Variants in BCAS3 observed in about 807,000 individuals in gnomAD.
The protein encoded by BCAS3 is BCAS3 microtubule associated cell migration factor, also known as BCAS4/BCAS3 fusion.
Under a neutral mutation model 116.1 loss-of-function variants are expected in BCAS3, and 53 were observed. The ratio of observed to expected loss-of-function variants is 0.46; its 90% CI spans 0.37 to 0.57. The LOEUF is 0.57. BCAS3 is among the 20% of genes least tolerant of loss of function. BCAS3 has a pLI of 0.00. For synonymous variants in BCAS3, 391 were observed against 408.2 expected (o/e 0.96, Z 0.51); for missense variants, 917 against 1,165.4 (o/e 0.79, Z 3.10).
At chr17:60,810,473 C>A in intron 7 of BCAS3, 2 of 674,048 alleles carry the variant, frequency 3.0e-6, no homozygotes, top group South Asian at 1.4e-5. Flanking sequence ...AGCGTGGAGA[C>A]CGGAAACCAG....
chr17:60,924,274 T>C, intron 12 of BCAS3, 133 bp from the exon 13 acceptor site: 1 of 690,718 alleles, frequency 1.4e-6, no homozygotes, highest in Non-Finnish European at 2.5e-6. Flanking sequence ...TCTCCTTATA[T>C]TGGCAAGAAT....
intron 7 of BCAS3, among the ~76,000 whole-genome samples, chr17:60,823,680 C>A (rs1279158797): frequency 6.6e-6 from 1 of 152,018 alleles, no homozygotes; most frequent in Non-Finnish European, 1.5e-5. Context: ...GTTTTTTGTT[C>A]TAGGAAGTTT....
chr17:61,262,303 C>T lies in BCAS3; in HGVS notation c.2426-106024C>T, dbSNP rs1044596636. On this transcript the variant is annotated intron_variant, in intron 22 of 23. Transcript: ENST00000407086. ...TTAGAAAACATATGCAAAACCTTTA[C>T]AGGAAATGTATAAGGCAAAGTTGAA... Among the ~76,000 whole-genome samples, 5 of 150,598 alleles carry T rather than the reference C, an allele frequency of 3.3e-5. No homozygotes were observed. In the East Asian group the frequency reaches 9.7e-4, roughly 29 times the overall value.
At chr17:60,928,231 GCTAGGGGATAAATATTAGC>G (rs1325471103) in intron 13 of BCAS3, among the ~76,000 whole-genome samples, 2 of 152,160 alleles carry the variant, frequency 1.3e-5, no homozygotes, top group Non-Finnish European at 2.9e-5. Context: ...AGGACAGCAT[GCTAGGGGATAAATATTAGC>G]CTGGTTTTGG....
chr17:61,359,791 AGG>A (rs2058358138), intron 22 of BCAS3, among the ~76,000 whole-genome samples: 1 of 152,122 alleles, frequency 6.6e-6, no homozygotes, highest in Non-Finnish European at 1.5e-5. Flanking sequence ...GCGCCTGGCC[AGG>A]TTCTTTTTTT....
At position 61,204,824 on chromosome 17, in the gene BCAS3, C is replaced by T. The variant is rs932892880; in HGVS notation, c.2425+120260C>T. On this transcript the variant is annotated intron_variant, in intron 22 of 23. Coordinates refer to ENST00000407086, the MANE Select transcript of BCAS3 (RefSeq NM_017679.5). This position sits in a 1 kb window ranked among gnomAD's most constrained non-coding sequence, Gnocchi z 4.2. ...CCAAGCACTTTAGGAGGCTGAGGCA[C>T]GCAGATCAGTTGAGGCCAGGAGTTC... Among the ~76,000 whole-genome samples the T allele has an allele frequency of 2.0e-5, 3 of 152,012 alleles. No individual in the cohort carries two copies. Among genetic ancestry groups the T allele is most frequent in the Admixed American group, 6.6e-5 (1 of 15,246 alleles).
intron 19 of BCAS3, among the ~76,000 whole-genome samples, chr17:61,067,123 T>C (rs1032706432): frequency 6.6e-6 from 1 of 151,012 alleles, no homozygotes; most frequent in Non-Finnish European, 1.5e-5. Flanking sequence ...AATTCAAAAA[T>C]AGAACTCTTC....
intron 6 of BCAS3, among the ~76,000 whole-genome samples, chr17:60,789,749 G>A (rs574886511): frequency 1.0e-3 from 155 of 152,232 alleles, no homozygotes; most frequent in African/African-American, 3.4e-3. Flanking sequence ...ATTATGTTAT[G>A]GGAGGGTGAT....
chr17:60,912,556 G>C (rs1227881045), intron 12 of BCAS3, among the ~76,000 whole-genome samples: 1 of 151,912 alleles, frequency 6.6e-6, no homozygotes, highest in Non-Finnish European at 1.5e-5. Context: ...ATAATTCTCT[G>C]CCTCTCCTGT....
intron 12 of BCAS3, among the ~76,000 whole-genome samples, chr17:60,921,710 A>G (rs1175871635): frequency 6.6e-6 from 1 of 151,990 alleles, no homozygotes; most frequent in South Asian, 2.1e-4. Context: ...GGAGGGAGGA[A>G]GGAGGAGTAT....
chr17:61,191,348 G>A (rs183885506), intron 22 of BCAS3, among the ~76,000 whole-genome samples: 1 of 152,058 alleles, frequency 6.6e-6, no homozygotes, highest in Admixed American at 6.5e-5. Context: ...ATTCACTCAG[G>A]TGATAGGACA....
At chr17:61,076,327 A>C (rs2071984477) in intron 20 of BCAS3, among the ~76,000 whole-genome samples, 1 of 152,196 alleles carries the variant, frequency 6.6e-6, no homozygotes, top group African/African-American at 2.4e-5. Context: ...CAAGGAGGGT[A>C]GCCTGAAAAC....
intron 22 of BCAS3, among the ~76,000 whole-genome samples, chr17:61,155,873 C>T (rs1283289142): frequency 6.6e-6 from 1 of 152,154 alleles, no homozygotes; most frequent in East Asian, 1.9e-4. Flanking sequence ...TAACATAACC[C>T]TCCTTCTTCC....
chr17:61,344,532 C>T lies in BCAS3; in HGVS notation c.2426-23795C>T, dbSNP rs935693430. On this transcript the variant is annotated intron_variant, in intron 22 of 23. Transcript: ENST00000407086. The surrounding 1 kb of genome is among the most constrained non-coding windows in gnomAD (Gnocchi z 4.1). The stretch of plus-strand genomic sequence containing the variant: ...GAGAGCAAAGTAGATGATATCTCTG[C>T]CCCCATGGGGCTTATATTCTAGAGG... 4.6e-5 allele frequency among the ~76,000 whole-genome samples: 7 copies of T among 152,154 alleles called. No individual in the cohort carries two copies. Among genetic ancestry groups the T allele is most frequent in the African/African-American group, 1.7e-4 (7 of 41,430 alleles).
chr17:61,283,340 C>A (rs755136052), intron 22 of BCAS3, among the ~76,000 whole-genome samples: 1 of 152,154 alleles, frequency 6.6e-6, no homozygotes. Flanking sequence ...ACGTTTAGCT[C>A]ATTCTCCCTA....
chr17:61,056,072 G>A lies in BCAS3; in HGVS notation c.2029+15180G>A, dbSNP rs1486860948. 6.6e-6 allele frequency among the ~76,000 whole-genome samples: 1 copy of A among 152,126 alleles called. No homozygotes were observed. The highest frequency in any genetic ancestry group is 1.5e-5 in the Non-Finnish European group (1 of 68,034). On this transcript the variant is annotated intron_variant, in intron 19 of 23. Transcript: ENST00000407086. This position sits in a 1 kb window ranked among gnomAD's most constrained non-coding sequence, Gnocchi z 4.9. ...CTGGAAAAGGATTTGACCCTTCCTTGGTCACTGCATTCCAGATTTCTTTCG... is the reference window on the plus strand; with the variant it reads ...CTGGAAAAGGATTTGACCCTTCCTTAGTCACTGCATTCCAGATTTCTTTCG...
chr17:60,728,000 G>T (rs2040072978), intron 5 of BCAS3, among the ~76,000 whole-genome samples: 1 of 151,738 alleles, frequency 6.6e-6, no homozygotes, highest in Non-Finnish European at 1.5e-5. Flanking sequence ...GTAGAGATGG[G>T]GTTTCGCCAT....
chr17:60,757,724 GTTAA>G (rs369201442), intron 6 of BCAS3, among the ~76,000 whole-genome samples: 58 of 152,180 alleles, frequency 3.8e-4, no homozygotes, highest in African/African-American at 1.3e-3. Flanking sequence ...TGTTCACTCT[GTTAA>G]TTGTTTCCTT....
At position 61,387,632 on chromosome 17, in the gene BCAS3, G is replaced by A. The variant is rs1441188449; in HGVS notation, c.2594-4345G>A. Reference sequence around the variant, plus strand: ...CCATCCTGGCCCAAGGCATAGAGGGGCAGCTGCGGGTAACAGGCCCATTTC... The same window carrying A: ...CCATCCTGGCCCAAGGCATAGAGGGACAGCTGCGGGTAACAGGCCCATTTC... On this transcript the variant is annotated intron_variant, in intron 23 of 23. Coordinates refer to ENST00000407086, the MANE Select transcript of BCAS3 (RefSeq NM_017679.5). This position sits in a 1 kb window ranked among gnomAD's most constrained non-coding sequence, Gnocchi z 6.2. Among the ~76,000 whole-genome samples, 1 of 152,176 alleles carries A rather than the reference G, an allele frequency of 6.6e-6. No individual in the cohort carries two copies. Among genetic ancestry groups the A allele is most frequent in the Non-Finnish European group, 1.5e-5 (1 of 68,036 alleles).
Sources: allele counts gnomAD v4.1 joint callset (sites outside exome capture counted in the v4.1 genomes callset), GRCh38; gene constraint gnomAD v4.1.1; non-coding constraint Gnocchi (gnomAD v3.1); transcripts MANE v1.5; gene names NCBI Gene and HGNC (gene_info 2026-07-23, HGNC 2026-07-21).